SLC16A7: variants seen among roughly 807,000 people sequenced by gnomAD.
SLC16A7 encodes the protein solute carrier family 16 member 7.
Under a neutral mutation model 34.9 loss-of-function variants are expected in SLC16A7, and 33 were observed. That is an observed-to-expected ratio of 0.94 (90% CI 0.72 to 1.26). SLC16A7 has a LOEUF of 1.26. Ranked by LOEUF, SLC16A7 falls within the 50% of genes most tolerant of loss-of-function variation. The probability of loss-of-function intolerance (pLI) is 0.00; values close to 1 mark genes in which losing one functional copy is unlikely to be tolerated. For missense variants in SLC16A7, 573 were observed against 578.1 expected (o/e 0.99, Z 0.09); for synonymous variants, 201 against 206.6 (o/e 0.97, Z 0.23).
chr12:59,651,009 T>C (rs931428693), intron 1 of SLC16A7, among the ~76,000 whole-genome samples: 1 of 152,158 alleles, frequency 6.6e-6, no homozygotes, highest in African/African-American at 2.4e-5. Flanking sequence ...CTTACTCCCA[T>C]GCAGAGCCCT....
chr12:59,777,380 C>T (rs960340955), intron 5 of SLC16A7, among the ~76,000 whole-genome samples: 2 of 152,044 alleles, frequency 1.3e-5, no homozygotes, highest in Non-Finnish European at 1.5e-5. Context: ...CCATAGTAGG[C>T]ACTGAGTTAA....
chr12:59,647,558 A>G (rs1439787852), intron 1 of SLC16A7, among the ~76,000 whole-genome samples: 6 of 152,180 alleles, frequency 3.9e-5, no homozygotes, highest in Admixed American at 3.9e-4. Context: ...AGAATGTACT[A>G]ATACACTGTA....
At chr12:59,643,343 A>C (rs1322590287) in intron 1 of SLC16A7, among the ~76,000 whole-genome samples, 1 of 152,116 alleles carries the variant, frequency 6.6e-6, no homozygotes, top group Non-Finnish European at 1.5e-5. Flanking sequence ...ATATACATAT[A>C]AGTTTTCGGC....
chr12:59,785,856 A>G lies in SLC16A7; in HGVS notation c.*6177A>G, dbSNP rs1883576505. 6.6e-6 allele frequency: 1 copy of G among 152,176 alleles called. No homozygotes were observed. Among genetic ancestry groups the G allele is most frequent in the Admixed American group, 6.5e-5 (1 of 15,268 alleles). 9.4% of individuals were successfully genotyped at this position (152,176 alleles called of 1,614,324 possible). ...CAGTGTGAAAACACTGATACTGAAC[A>G]TTCTATTAAAATAGAATAAGTTCGT... On this transcript the variant is annotated 3_prime_UTR_variant, in exon 6 of 6. Transcript: ENST00000547379.
intron 3 of SLC16A7, chr12:59,768,142 C>T (rs1025185484): frequency 2.2e-6 from 1 of 451,022 alleles, no homozygotes. Flanking sequence ...TACATAATGA[C>T]TCCTCTGATG....
At chr12:59,760,513 A>G (rs987601492) in intron 3 of SLC16A7, among the ~76,000 whole-genome samples, 1 of 152,152 alleles carries the variant, frequency 6.6e-6, no homozygotes, top group Non-Finnish European at 1.5e-5. Context: ...AAATAGGCAC[A>G]AGAAGAGATT....
intron 2 of SLC16A7, among the ~76,000 whole-genome samples, chr12:59,688,725 A>G (rs11173114): frequency 0.014 from 2,055 of 152,176 alleles, 44 homozygotes; most frequent in African/African-American, 0.047. Context: ...ACAAATCAAT[A>G]TAAAACAAAA....
chr12:59,663,689 G>T, intron 2 of SLC16A7, among the ~76,000 whole-genome samples: 1 of 151,934 alleles, frequency 6.6e-6, no homozygotes, highest in Non-Finnish European at 1.5e-5. Flanking sequence ...GTTTATGTCT[G>T]ATTTTGTACT....
chr12:59,773,018 G>T (rs1364194144), intron 4 of SLC16A7, among the ~76,000 whole-genome samples: 1 of 151,666 alleles, frequency 6.6e-6, no homozygotes, highest in Non-Finnish European at 1.5e-5. Context: ...GAAAGAGATG[G>T]CAACTATTTC....
chr12:59,692,369 A>G (rs1871769861), intron 2 of SLC16A7, among the ~76,000 whole-genome samples: 2 of 152,032 alleles, frequency 1.3e-5, no homozygotes, highest in Admixed American at 1.3e-4. Flanking sequence ...CCAGACATGG[A>G]CATAGCTGGC....
intron 3 of SLC16A7, among the ~76,000 whole-genome samples, chr12:59,737,150 G>T (rs1488818339): frequency 6.6e-6 from 1 of 152,104 alleles, no homozygotes; most frequent in Non-Finnish European, 1.5e-5. Flanking sequence ...AGGTACAAAG[G>T]ACATTTAGGG....
At chr12:59,682,537 A>G (rs1870822841) in intron 2 of SLC16A7, among the ~76,000 whole-genome samples, 1 of 152,186 alleles carries the variant, frequency 6.6e-6, no homozygotes, top group Non-Finnish European at 1.5e-5. Context: ...AATGAAATGT[A>G]GTATGGTATA....
chr12:59,783,652 T>TC lies in SLC16A7; in HGVS notation c.*3974dup, dbSNP rs1883406334. 6.7e-6 allele frequency: 1 copy of TC among 150,282 alleles called. No homozygotes were observed. The allele number at this position is 150,282 out of a possible 1,614,324, so 9.3% of individuals were successfully genotyped here. A position where few individuals can be genotyped will look rare whatever the true frequency, so the allele number is the denominator to read the frequency against. On this transcript the variant is annotated 3_prime_UTR_variant, in exon 6 of 6. Coordinates refer to ENST00000547379, the MANE Select transcript of SLC16A7 (RefSeq NM_001270623.2). ...TGAATATGTAATTTCTTTCTTTCTT[T>TC]CTTTTTTTTTTTTTTTGAGACTGAG... is the stretch of plus-strand genomic sequence containing the variant.
chr12:59,658,513 A>T (rs1868654594), intron 2 of SLC16A7, among the ~76,000 whole-genome samples: 3 of 152,036 alleles, frequency 2.0e-5, no homozygotes, highest in Admixed American at 2.0e-4. Flanking sequence ...CAAAAAAATC[A>T]CTGCTGTGAG....
intron 1 of SLC16A7, among the ~76,000 whole-genome samples, chr12:59,623,226 C>T (rs1267516857): frequency 6.6e-6 from 1 of 151,572 alleles, no homozygotes; most frequent in Non-Finnish European, 1.5e-5. Flanking sequence ...TGTGCAAATC[C>T]CCCATATCCT....
chr12:59,657,013 G>T (rs976597684), intron 2 of SLC16A7, among the ~76,000 whole-genome samples: 2 of 151,842 alleles, frequency 1.3e-5, no homozygotes, highest in Non-Finnish European at 2.9e-5. Flanking sequence ...GCTGTTGTGA[G>T]AATTAACTAT....
intron 2 of SLC16A7, among the ~76,000 whole-genome samples, chr12:59,670,550 G>A (rs1869593606): frequency 6.6e-6 from 1 of 152,032 alleles, no homozygotes; most frequent in African/African-American, 2.4e-5. Context: ...GTGAGATTTG[G>A]GGTACAGCCC....
chr12:59,692,198 C>T (rs989880856), intron 2 of SLC16A7, among the ~76,000 whole-genome samples: 3 of 151,904 alleles, frequency 2.0e-5, no homozygotes, highest in Non-Finnish European at 4.4e-5. Context: ...GTCTTCCTTT[C>T]TGTGTGTGTG....
At chr12:59,640,425 T>G (rs1458704197) in intron 1 of SLC16A7, among the ~76,000 whole-genome samples, 1 of 145,368 alleles carries the variant, frequency 6.9e-6, no homozygotes, top group Admixed American at 7.0e-5. Flanking sequence ...TTGAACTTTA[T>G]GCCCCCCCAG....
Sources: allele counts gnomAD v4.1 joint callset (sites outside exome capture counted in the v4.1 genomes callset), GRCh38; gene constraint gnomAD v4.1.1; transcripts MANE v1.5; gene names NCBI Gene and HGNC (gene_info 2026-07-23, HGNC 2026-07-21).